Variants in DPYSL2 observed in about 807,000 individuals in gnomAD.
DPYSL2 encodes the protein dihydropyrimidinase-related protein 2.
In DPYSL2, 13 loss-of-function variants were observed where a neutral mutation model predicts 69.9. That is an observed-to-expected ratio of 0.19 (90% confidence interval 0.12 to 0.30). The LOEUF is 0.30. Ranked by LOEUF, DPYSL2 falls within the 10% of genes least tolerant of loss-of-function variation. The pLI, the probability that DPYSL2 is intolerant of heterozygous loss-of-function variation, is 1.00. For missense variants in DPYSL2, 587 were observed against 918.9 expected, an observed-to-expected ratio of 0.64 and a Z score of 4.67; for synonymous variants, 326 against 359.1, an observed-to-expected ratio of 0.91 and a Z score of 1.04.
intron 3 of DPYSL2, among the ~76,000 whole-genome samples, chr8:26,584,241 C>G (rs532608076): frequency 9.4e-4 from 143 of 152,284 alleles, no homozygotes; most frequent in African/African-American, 3.2e-3. Context: ...GCTTTCTCTC[C>G]ATGTGGACTT....
rs1802306781 is a variant in DPYSL2 at position 26,614,623 on chromosome 8, T to C, written c.629-9520T>C. ...GTTTTACCAGATCTTGGCTTAACACTTCCCCCAGAGTTAGTCATAATCATT... is the reference window on the plus strand; with the variant it reads ...GTTTTACCAGATCTTGGCTTAACACCTCCCCCAGAGTTAGTCATAATCATT... On this transcript the variant is annotated intron_variant, in intron 3 of 13. Coordinates refer to ENST00000521913, the MANE Select transcript of DPYSL2 (RefSeq NM_001197293.3). The surrounding 1 kb of genome is among the most constrained non-coding windows in gnomAD (Gnocchi z 4.9). Among the ~76,000 whole-genome samples the C allele has an allele frequency of 6.6e-6, 1 of 152,188 alleles. No individual in the cohort carries two copies. The highest frequency in any genetic ancestry group is 1.5e-5 in the Non-Finnish European group (1 of 68,032).
At chr8:26,552,294 A>T (rs2117637509) in intron 1 of DPYSL2, among the ~76,000 whole-genome samples, 1 of 152,366 alleles carries the variant, frequency 6.6e-6, no homozygotes, top group African/African-American at 2.4e-5. Context: ...AAGAAGAAAT[A>T]TCTAATATCA....
chr8:26,514,549 G>A lies in DPYSL2; in HGVS notation c.224G>A (p.Gly75Asp), dbSNP rs1808240328. The change falls in exon 1 of 14, where the codon GGC (glycine) becomes GAC (aspartate). Residue 75 changes from glycine (G) to aspartate (D), a missense_variant. This residue lies in a region of DPYSL2 where 85 missense variants were observed against 77.7 expected (regional missense o/e 1.09). Transcript: ENST00000521913. This position sits in a 1 kb window ranked among gnomAD's most constrained non-coding sequence, Gnocchi z 8.4. ...CAGCAGCGGGACGTCGCCCACTTGG[G>A]CCCGGACCCGCAGCCGCCGTACTCG... The part of the protein sequence containing the change: ...VAQQRDVAHL[G>D]PDPQPPYSRQ... The A allele has an allele frequency of 3.3e-6, 5 of 1,528,030 alleles. No individual in the cohort carries two copies. The highest frequency in any genetic ancestry group is 4.4e-6 in the Non-Finnish European group (5 of 1,143,154). The allele number at this position is 1,528,030 out of a possible 1,614,324, so 94.7% of individuals were successfully genotyped here. A position where few individuals can be genotyped will look rare whatever the true frequency, so the allele number is the denominator to read the frequency against.
chr8:26,612,241 G>C (rs921977973), intron 3 of DPYSL2, among the ~76,000 whole-genome samples: 3 of 152,212 alleles, frequency 2.0e-5, no homozygotes, highest in African/African-American at 7.2e-5. Context: ...CTGATGCATT[G>C]CTGGTGACAG....
chr8:26,514,738 C>T lies in DPYSL2; in HGVS notation c.354+59C>T, dbSNP rs1585482539. The T allele has an allele frequency of 7.5e-7, 1 of 1,325,192 alleles. No individual in the cohort carries two copies. Among genetic ancestry groups the T allele is most frequent in the Non-Finnish European group, 9.7e-7 (1 of 1,027,952 alleles). The allele number at this position is 1,325,192 out of a possible 1,614,324, so 82.1% of individuals were successfully genotyped here. A position where few individuals can be genotyped will look rare whatever the true frequency, so the allele number is the denominator to read the frequency against. ...CGGGGCGCGGGGATCGCCCCTCCCT[C>T]GCCCCTGAGCCCGGCGCGCCCGCCT... On this transcript the variant is annotated intron_variant, in intron 1 of 13. Transcript: ENST00000521913. This position sits in a 1 kb window ranked among gnomAD's most constrained non-coding sequence, Gnocchi z 8.4.
intron 13 of DPYSL2, 144 bp from the exon 14 acceptor site, chr8:26,655,471 G>A: frequency 6.2e-6 from 4 of 647,916 alleles, no homozygotes; most frequent in Non-Finnish European, 7.3e-6. Context: ...ACTTTGGTCT[G>A]GAAAACAGAG....
chr8:26,586,705 C>T lies in DPYSL2; in HGVS notation c.628+2722C>T, dbSNP rs1415029251. ...GAGGGACATCCCCCTCTGAGTGCAG[C>T]ACCTGGCCCAGGGAGCTCAGAAGAG... On this transcript the variant is annotated intron_variant, in intron 3 of 13. Transcript: ENST00000521913. The surrounding 1 kb of genome is among the most constrained non-coding windows in gnomAD (Gnocchi z 4.7). Among the ~76,000 whole-genome samples, 1 of 152,192 alleles carries T rather than the reference C, an allele frequency of 6.6e-6. No homozygotes were observed. Among genetic ancestry groups the T allele is most frequent in the Non-Finnish European group, 1.5e-5 (1 of 68,044 alleles).
At chr8:26,534,551 T>A (rs1277683814) in intron 1 of DPYSL2, among the ~76,000 whole-genome samples, 3 of 152,148 alleles carry the variant, frequency 2.0e-5, no homozygotes, top group Admixed American at 6.5e-5. Flanking sequence ...GTGGCCTTGG[T>A]CAACTTACTT....
At chr8:26,526,721 A>G (rs1220832451) in intron 1 of DPYSL2, among the ~76,000 whole-genome samples, 2 of 152,230 alleles carry the variant, frequency 1.3e-5, no homozygotes, top group Non-Finnish European at 1.5e-5. Flanking sequence ...AATGTCCTTC[A>G]GTGAGTGACT....
chr8:26,515,626 A>T (rs1230735409), intron 1 of DPYSL2, among the ~76,000 whole-genome samples: 1 of 152,216 alleles, frequency 6.6e-6, no homozygotes, highest in Admixed American at 6.5e-5. Context: ...CGCAGTAATA[A>T]TCTCACACCA....
chr8:26,529,987 C>T (rs1017002298), intron 1 of DPYSL2, among the ~76,000 whole-genome samples: 1 of 151,442 alleles, frequency 6.6e-6, no homozygotes, highest in Admixed American at 6.6e-5. Context: ...TGGCCCGTGC[C>T]TGTAATCCCA....
intron 1 of DPYSL2, among the ~76,000 whole-genome samples, chr8:26,556,341 A>C (rs1488629992): frequency 3.3e-4 from 3 of 9,154 alleles, no homozygotes; most frequent in African/African-American, 7.5e-4. Flanking sequence ...TATATATAGT[A>C]TATATATATA....
rs1278885089 is a variant in DPYSL2 at position 26,585,778 on chromosome 8, C to T, written c.628+1795C>T. Among the ~76,000 whole-genome samples, 3 of 152,166 alleles carry T rather than the reference C, an allele frequency of 2.0e-5. No homozygotes were observed. Among genetic ancestry groups the T allele is most frequent in the South Asian group, 2.1e-4 (1 of 4,826 alleles). On this transcript the variant is annotated intron_variant, in intron 3 of 13. Coordinates refer to ENST00000521913, the MANE Select transcript of DPYSL2 (RefSeq NM_001197293.3). This position sits in a 1 kb window ranked among gnomAD's most constrained non-coding sequence, Gnocchi z 4.0. ...GGAGTTCACAGGGAGACCCTGCAGG[C>T]CCCTGGATTGGTCACAGACAGTCAA...
chr8:26,597,911 A>C lies in DPYSL2; in HGVS notation c.628+13928A>C, dbSNP rs1801901501. Among the ~76,000 whole-genome samples, 1 of 152,060 alleles carries C rather than the reference A, an allele frequency of 6.6e-6. No individual in the cohort carries two copies. Among genetic ancestry groups the C allele is most frequent in the Admixed American group, 6.5e-5 (1 of 15,268 alleles). On this transcript the variant is annotated intron_variant, in intron 3 of 13. Transcript: ENST00000521913. The surrounding 1 kb of genome is among the most constrained non-coding windows in gnomAD (Gnocchi z 5.2). ...AGGGAGAAACATGAAGTGTAATGGA[A>C]AGAATTTGAGGCCCAACCTTCTTGA...
intron 3 of DPYSL2, among the ~76,000 whole-genome samples, chr8:26,592,432 C>T (rs1023572122): frequency 6.0e-5 from 9 of 150,968 alleles, no homozygotes; most frequent in Non-Finnish European, 1.2e-4. Flanking sequence ...GGATTACAGG[C>T]GTGAGCCACT....
chr8:26,556,991 C>CACATTTGTTGA (rs1800998753), intron 1 of DPYSL2, among the ~76,000 whole-genome samples: 1 of 152,064 alleles, frequency 6.6e-6, no homozygotes, highest in African/African-American at 2.4e-5. Context: ...GCCTTTTCAA[C>CACATTTGTTGA]AAATGATGCT....
chr8:26,525,894 T>C (rs1808467957), intron 1 of DPYSL2, among the ~76,000 whole-genome samples: 1 of 152,250 alleles, frequency 6.6e-6, no homozygotes, highest in Non-Finnish European at 1.5e-5. Context: ...AATTTATATA[T>C]TGAGTTATTT....
chr8:26,567,408 C>G (rs1460685860), intron 1 of DPYSL2, among the ~76,000 whole-genome samples: 4 of 151,374 alleles, frequency 2.6e-5, no homozygotes, highest in Non-Finnish European at 5.9e-5. Flanking sequence ...ATCCACCCCA[C>G]CCATCTACTA....
At chr8:26,536,731 G>T (rs2117618222) in intron 1 of DPYSL2, among the ~76,000 whole-genome samples, 1 of 152,280 alleles carries the variant, frequency 6.6e-6, no homozygotes. Flanking sequence ...CATGAATAGT[G>T]AATTTATGAA....
Sources: allele counts gnomAD v4.1 joint callset (sites outside exome capture counted in the v4.1 genomes callset), GRCh38; gene constraint gnomAD v4.1.1; regional missense constraint gnomAD v4.1.1; non-coding constraint Gnocchi (gnomAD v3.1); transcripts MANE v1.5; gene names NCBI Gene and HGNC (gene_info 2026-07-23, HGNC 2026-07-21).